DPP10: variants seen among roughly 807,000 people sequenced by gnomAD.
DPP10 encodes the protein dipeptidyl peptidase like 10, also known as inactive dipeptidyl peptidase 10.
In DPP10, 33 loss-of-function variants were observed where a neutral mutation model predicts 120.9. The observed-to-expected ratio is 0.27, with a 90% CI of 0.21 to 0.37. The LOEUF is 0.37. Among genes scored for constraint, DPP10 ranks in the 10% least tolerant of loss-of-function variants. The probability of loss-of-function intolerance (pLI) is 1.00; values close to 1 mark genes in which losing one functional copy is unlikely to be tolerated. For synonymous variants in DPP10, 337 were observed against 326.1 expected, an observed-to-expected ratio of 1.03 and a Z score of -0.36; for missense variants, 816 against 942.8, an observed-to-expected ratio of 0.87 and a Z score of 1.76.
At chr2:115,337,664 A>T (rs2063222629) in intron 2 of DPP10, among the ~76,000 whole-genome samples, 2 of 53,618 alleles carry the variant, frequency 3.7e-5, no homozygotes, top group Non-Finnish European at 1.1e-4. Flanking sequence ...CTGCTCATAA[A>T]AAAAAAAAAA....
chr2:114,903,971 C>T (rs1439645725), intron 1 of DPP10, among the ~76,000 whole-genome samples: 1 of 152,136 alleles, frequency 6.6e-6, no homozygotes, highest in Non-Finnish European at 1.5e-5. Context: ...TTAAGCTACC[C>T]AGTATATAAT....
At chr2:114,998,627 A>G (rs796187754) in intron 1 of DPP10, among the ~76,000 whole-genome samples, 11 of 152,272 alleles carry the variant, frequency 7.2e-5, no homozygotes, top group African/African-American at 2.4e-4. Context: ...TCAAAAATAA[A>G]CAGCTTACTC....
chr2:114,786,860 A>T (rs1236753485), intron 1 of DPP10, among the ~76,000 whole-genome samples: 4 of 152,210 alleles, frequency 2.6e-5, no homozygotes, highest in Non-Finnish European at 5.9e-5. Context: ...TGGGCTCTCC[A>T]TCATTGTATA....
At chr2:114,714,959 C>T (rs1374118905) in intron 1 of DPP10, among the ~76,000 whole-genome samples, 2 of 151,894 alleles carry the variant, frequency 1.3e-5, no homozygotes, top group Non-Finnish European at 2.9e-5. Flanking sequence ...TTGCTGTCTC[C>T]CTAGAAAGAC....
At chr2:115,493,552 A>C (rs1192210427) in intron 3 of DPP10, among the ~76,000 whole-genome samples, 1 of 150,716 alleles carries the variant, frequency 6.6e-6, no homozygotes, top group Admixed American at 6.6e-5. Context: ...GTTTGGAAGG[A>C]TGCCTTTGTT....
chr2:114,537,731 AG>A (rs555584250), intron 1 of DPP10, among the ~76,000 whole-genome samples: 388 of 152,340 alleles, frequency 2.5e-3, no homozygotes, highest in African/African-American at 8.3e-3. Flanking sequence ...CCATTTCACA[AG>A]TAAGCATCCT....
chr2:115,032,117 G>A (rs914694395), intron 1 of DPP10, among the ~76,000 whole-genome samples: 2 of 151,690 alleles, frequency 1.3e-5, no homozygotes, highest in Admixed American at 1.3e-4. Flanking sequence ...GAAAAAACAA[G>A]CAATATTTGC....
chr2:115,405,302 C>T (rs1185070266), intron 3 of DPP10, among the ~76,000 whole-genome samples: 1 of 152,158 alleles, frequency 6.6e-6, no homozygotes, highest in Admixed American at 6.5e-5. Flanking sequence ...AATCTTAAAG[C>T]TCAGAATATT....
chr2:115,504,689 C>A (rs959435982), intron 4 of DPP10, among the ~76,000 whole-genome samples: 1 of 152,054 alleles, frequency 6.6e-6, no homozygotes, highest in African/African-American at 2.4e-5. Context: ...AGATTGGACA[C>A]CTTTCTATAT....
chr2:114,449,565 C>T (rs1678138120), intron 1 of DPP10, among the ~76,000 whole-genome samples: 1 of 151,390 alleles, frequency 6.6e-6, no homozygotes, highest in African/African-American at 2.4e-5. Context: ...GATCGGATGG[C>T]TTTTTCTTTA....
At chr2:115,738,724 A>G (rs1483031149) in intron 8 of DPP10, among the ~76,000 whole-genome samples, 1 of 152,138 alleles carries the variant, frequency 6.6e-6, no homozygotes, top group Admixed American at 6.5e-5. Context: ...CCATTTGTAT[A>G]TATAGATAGA....
At chr2:114,945,966 AT>A (rs1316659060) in intron 1 of DPP10, among the ~76,000 whole-genome samples, 4 of 152,330 alleles carry the variant, frequency 2.6e-5, no homozygotes, top group Admixed American at 2.6e-4. Context: ...ATGAGAAAAT[AT>A]CAGGTAAATC....
intron 13 of DPP10, among the ~76,000 whole-genome samples, chr2:115,774,364 A>G (rs1172464796): frequency 6.6e-6 from 1 of 152,106 alleles, no homozygotes; most frequent in East Asian, 1.9e-4. Flanking sequence ...AGATTATTTT[A>G]TCTTGAAATT....
intron 3 of DPP10, among the ~76,000 whole-genome samples, chr2:115,497,517 A>G (rs2076462571): frequency 6.6e-6 from 1 of 152,112 alleles, no homozygotes; most frequent in Non-Finnish European, 1.5e-5. Flanking sequence ...TATCTCCATG[A>G]TGCAATGGAA....
chr2:115,416,790 A>G (rs547676625), intron 3 of DPP10, among the ~76,000 whole-genome samples: 2 of 152,290 alleles, frequency 1.3e-5, no homozygotes, highest in South Asian at 2.1e-4. Flanking sequence ...TGAGAACTCA[A>G]AGGTTTTTGT....
intron 1 of DPP10, among the ~76,000 whole-genome samples, chr2:115,266,019 TGAAGAA>T (rs905854518): frequency 5.9e-5 from 9 of 151,950 alleles, no homozygotes; most frequent in Non-Finnish European, 7.4e-5. Flanking sequence ...TTATCAAAGA[TGAAGAA>T]GAAGAGGTAG....
intron 21 of DPP10, among the ~76,000 whole-genome samples, chr2:115,824,039 A>G (rs1025561680): frequency 6.6e-6 from 1 of 152,142 alleles, no homozygotes; most frequent in African/African-American, 2.4e-5. Context: ...TGTTTTTATG[A>G]TGATATATAT....
chr2:114,698,947 T>A (rs1427912983), intron 1 of DPP10, among the ~76,000 whole-genome samples: 1 of 152,118 alleles, frequency 6.6e-6, no homozygotes, highest in Non-Finnish European at 1.5e-5. Flanking sequence ...CATTTTTGAG[T>A]GCTTTCGTGA....
intron 2 of DPP10, among the ~76,000 whole-genome samples, chr2:115,342,682 T>C (rs533402644): frequency 1.3e-5 from 2 of 152,278 alleles, no homozygotes; most frequent in East Asian, 3.9e-4. Flanking sequence ...GCCAGGCAAA[T>C]GATCAAATAT....
Sources: gnomAD v4.1 joint callset for allele counts (sites outside exome capture counted in the v4.1 genomes callset) on GRCh38, gnomAD v4.1.1 for gene constraint, MANE v1.5 for transcripts, NCBI Gene and HGNC (gene_info 2026-07-23, HGNC 2026-07-21) for gene names.